Variants in ATP8B2 observed in about 807,000 individuals in gnomAD.
ATP8B2 encodes ATPase phospholipid transporting 8B2.
A neutral mutation model predicts 133.4 loss-of-function variants in ATP8B2; 70 were observed. The ratio of observed to expected loss-of-function variants is 0.52; its 90% CI spans 0.43 to 0.64. The LOEUF (loss-of-function observed/expected upper bound fraction) is 0.64, where lower values mean the gene tolerates loss of function less well. Among genes scored for constraint, ATP8B2 ranks in the 30% least tolerant of loss-of-function variants. ATP8B2 has a pLI of 0.00. For synonymous variants in ATP8B2, 517 were observed against 589.5 expected, an observed-to-expected ratio of 0.88 and a Z score of 1.78; for missense variants, 1,101 against 1,535.7, an observed-to-expected ratio of 0.72 and a Z score of 4.73.
Position 154,342,933 on chromosome 1 carries a change from T to C in ATP8B2, c.1425T>C (p.His475=). 5 of 1,614,148 alleles carry C rather than the reference T, an allele frequency of 3.1e-6. No individual in the cohort carries two copies. The highest frequency in any genetic ancestry group is 3.4e-6 in the Non-Finnish European group (4 of 1,180,036). ...TCTTCCGCCTCCTTTCCCTGTGTCA[T>C]ACTGTCATGTCAGAAGAAAAGAACG... is the stretch of plus-strand genomic sequence containing the variant. ...HEFFRLLSLC[H]TVMSEEKNEG... is the part of the protein sequence containing the mutation. The change falls in exon 15 of 28, where the codon CAT becomes CAC. Residue 475 remains histidine (H), a synonymous_variant. Transcript: ENST00000368489.
At position 154,345,018 on chromosome 1, in the gene ATP8B2, G is replaced by A. The variant is rs151154478; in HGVS notation, c.2334G>A (p.Ala778=). The A allele has an allele frequency of 2.9e-4, 467 of 1,614,198 alleles. 5 individuals are homozygous for A. The East Asian group carries it at 9.4e-3, about 33-fold the overall frequency. The part of the protein sequence containing the change: ...ADMELEFLET[A]CACKAVICCR... ...TGGAGCTGGAGTTTCTGGAGACAGC[G>A]TGTGCCTGCAAAGCTGTCATCTGCT... is the stretch of plus-strand genomic sequence containing the variant. The change falls in exon 22 of 28, where the codon GCG becomes GCA. Residue 778 remains alanine, a synonymous_variant. Coordinates refer to ENST00000368489, the MANE Select transcript of ATP8B2 (RefSeq NM_001370597.1). The surrounding 1 kb of genome is among the most constrained non-coding windows in gnomAD (Gnocchi z 5.6).
intron 2 of ATP8B2, among the ~76,000 whole-genome samples, chr1:154,329,488 C>G (rs1007733687): frequency 6.6e-5 from 10 of 152,090 alleles, no homozygotes; most frequent in African/African-American, 2.4e-4. Flanking sequence ...TGGTGACCCC[C>G]GGGGAGACGG....
Position 154,345,506 on chromosome 1 carries a change from C to T in ATP8B2, c.2655C>T (p.Val885=), listed in dbSNP as rs536672086. 1.2e-6 allele frequency: 2 copies of T among 1,614,068 alleles called. No individual in the cohort carries two copies. The highest frequency in any genetic ancestry group is 1.3e-5 in the African/African-American group (1 of 75,042). Residue 885 remains valine (V), a synonymous_variant, in exon 23 of 28, where the codon GTC becomes GTT. Coordinates refer to ENST00000368489, the MANE Select transcript of ATP8B2 (RefSeq NM_001370597.1). The surrounding 1 kb of genome is among the most constrained non-coding windows in gnomAD (Gnocchi z 5.6). ...FFYKNFAFTM[V]HFWFGFFCGF... ...ACAAAAACTTTGCTTTCACCATGGT[C>T]CACTTCTGGTTTGGCTTCTTCTGTG...
At position 154,342,977 on chromosome 1, in the gene ATP8B2, G is replaced by C. The variant is rs41265227; in HGVS notation, c.1453+16G>C. 12 of 1,612,788 alleles carry C rather than the reference G, an allele frequency of 7.4e-6. No homozygotes were observed. Among genetic ancestry groups the C allele is most frequent in the Non-Finnish European group, 9.3e-6 (11 of 1,179,384 alleles). ...AAGAACGAAGGTGGGCCGAGGAGCCGGCTCGCACTCTCCTGACCTGACTCT... is the reference window on the plus strand; with the variant it reads ...AAGAACGAAGGTGGGCCGAGGAGCCCGCTCGCACTCTCCTGACCTGACTCT... On this transcript the variant is annotated intron_variant, in intron 15 of 27. Coordinates refer to ENST00000368489, the MANE Select transcript of ATP8B2 (RefSeq NM_001370597.1).
chr1:154,339,973 G>A (rs1436852299), intron 12 of ATP8B2, among the ~76,000 whole-genome samples: 1 of 152,130 alleles, frequency 6.6e-6, no homozygotes, highest in Non-Finnish European at 1.5e-5. Flanking sequence ...CTTGAGTTCA[G>A]GAATTCAAGA....
rs764328459 is a variant in ATP8B2, at chr1:154,340,929, G to T, written c.1110G>T (p.Thr370=). 3.7e-6 allele frequency: 6 copies of T among 1,614,038 alleles called. No individual in the cohort carries two copies. The highest frequency in any genetic ancestry group is 5.1e-6 in the Non-Finnish European group (6 of 1,180,026). The stretch of plus-strand genomic sequence containing the variant: ...AGATGTTCTGCATGAAGAAGCGGAC[G>T]CCTGCAGAAGCCCGCACCACCACCC... ...DKKMFCMKKR[T]PAEARTTTLN... The change falls in exon 13 of 28, where the codon ACG becomes ACT. Residue 370 remains threonine, a synonymous_variant. Coordinates refer to ENST00000368489, the MANE Select transcript of ATP8B2 (RefSeq NM_001370597.1). The surrounding 1 kb of genome is among the most constrained non-coding windows in gnomAD (Gnocchi z 4.0).
At chr1:154,338,654 G>A (rs1197123679) in intron 12 of ATP8B2, 1 of 152,094 alleles carries the variant, frequency 6.6e-6, no homozygotes, top group Non-Finnish European at 1.5e-5. Context: ...GCGAAACTGT[G>A]TCTCAAAAAA....
intron 27 of ATP8B2, 49 bp from the exon 28 acceptor site, chr1:154,348,791 T>A: frequency 6.6e-7 from 1 of 1,516,852 alleles, no homozygotes; most frequent in South Asian, 1.2e-5. Flanking sequence ...CTTGGCGATA[T>A]CTGACACCTC....
chr1:154,345,268 A>T lies in ATP8B2; in HGVS notation c.2471-54A>T. ...AGGGGGTTGTAACTTGGTAGGCTCT[A>T]AAGTGTGTGGCCGGTGGCCATCTTC... On this transcript the variant is annotated intron_variant, in intron 22 of 27. Coordinates refer to ENST00000368489, the MANE Select transcript of ATP8B2 (RefSeq NM_001370597.1). The surrounding 1 kb of genome is among the most constrained non-coding windows in gnomAD (Gnocchi z 5.6). 6.2e-7 allele frequency: 1 copy of T among 1,609,786 alleles called. No homozygotes were observed. Among genetic ancestry groups the T allele is most frequent in the Non-Finnish European group, 8.5e-7 (1 of 1,177,108 alleles).
intron 26 of ATP8B2, among the ~76,000 whole-genome samples, chr1:154,348,084 T>C (rs1255732763): frequency 2.6e-5 from 4 of 152,078 alleles, no homozygotes; most frequent in South Asian, 2.1e-4. Flanking sequence ...GGGTTTTTAG[T>C]TGGAGCAACT....
chr1:154,337,753 A>T, intron 12 of ATP8B2: 1 of 1,507,242 alleles, frequency 6.6e-7, no homozygotes, highest in Non-Finnish European at 8.8e-7. Context: ...TAGAGAAAAA[A>T]AAATATTGAT....
At chr1:154,333,870 G>T (rs932872965) in intron 9 of ATP8B2, among the ~76,000 whole-genome samples, 3 of 151,942 alleles carry the variant, frequency 2.0e-5, no homozygotes, top group African/African-American at 7.2e-5. Context: ...CCTGACCTCA[G>T]CTGATCCACC....
intron 3 of ATP8B2, 46 bp downstream of exon 3, chr1:154,330,500 G>A: frequency 1.9e-6 from 3 of 1,599,410 alleles, no homozygotes; most frequent in Non-Finnish European, 2.6e-6. Flanking sequence ...TTTGGAGAGG[G>A]GAATGGGGCA....
In ATP8B2 at chr1:154,345,612, T is replaced by G. The variant is rs1686555829; in HGVS notation, c.2694+67T>G. The G allele has an allele frequency of 1.7e-5, 24 of 1,452,514 alleles. 1 individual carries two copies. Among genetic ancestry groups the G allele is most frequent in the South Asian group, 7.2e-5 (6 of 83,844 alleles). 90.0% of individuals were successfully genotyped at this position (1,452,514 alleles called of 1,614,324 possible). ...CCTGAGGGCAGAGGTTCTGTCTTGT[T>G]TATCACTCAGTCCCCCAGGGCCTAG... is the stretch of plus-strand genomic sequence containing the variant. On this transcript the variant is annotated intron_variant, in intron 23 of 27. Coordinates refer to ENST00000368489, the MANE Select transcript of ATP8B2 (RefSeq NM_001370597.1). This position sits in a 1 kb window ranked among gnomAD's most constrained non-coding sequence, Gnocchi z 5.6.
intron 11 of ATP8B2, among the ~76,000 whole-genome samples, chr1:154,336,147 GT>G (rs1686173365): frequency 6.6e-6 from 1 of 152,014 alleles, no homozygotes. Flanking sequence ...TTTACAGTAA[GT>G]TTTCTGGTAT....
At chr1:154,342,188 G>T (rs1686407791) in intron 13 of ATP8B2, among the ~76,000 whole-genome samples, 1 of 152,080 alleles carries the variant, frequency 6.6e-6, no homozygotes, top group Non-Finnish European at 1.5e-5. Context: ...GGGAGGTGTG[G>T]AATTGGAGCT....
Position 154,334,021 on chromosome 1 carries a change from C to T in ATP8B2, c.590-86C>T. Reference sequence around the variant, plus strand: ...GGCCCTTGCCCTTGCATCCTCTTCGCTCAGCTCATTTTCTCTTTGTTTTAT... The same window carrying T: ...GGCCCTTGCCCTTGCATCCTCTTCGTTCAGCTCATTTTCTCTTTGTTTTAT... On this transcript the variant is annotated intron_variant, in intron 9 of 27. Transcript: ENST00000368489. The surrounding 1 kb of genome is among the most constrained non-coding windows in gnomAD (Gnocchi z 4.6). The T allele has an allele frequency of 6.6e-7, 1 of 1,517,256 alleles. No homozygotes were observed. The allele number at this position is 1,517,256 out of a possible 1,614,324, so 94.0% of individuals were successfully genotyped here.
Position 154,328,656 on chromosome 1 carries a change from C to T in ATP8B2, c.31+484C>T. The T allele has an allele frequency of 5.3e-6, 3 of 568,202 alleles. No individual in the cohort carries two copies. The highest frequency in any genetic ancestry group is 6.7e-6 in the Non-Finnish European group (3 of 446,760). 35.2% of individuals were successfully genotyped at this position (568,202 alleles called of 1,614,324 possible). A position where few individuals can be genotyped will look rare whatever the true frequency, so the allele number is the denominator to read the frequency against. ...GGGCTCGCGCGCGAGCTTTCGCCTA[C>T]GCGGCGCGCTGGCAGGCTGCGGCTC... On this transcript the variant is annotated intron_variant, in intron 2 of 27. Coordinates refer to ENST00000368489, the MANE Select transcript of ATP8B2 (RefSeq NM_001370597.1). This position sits in a 1 kb window ranked among gnomAD's most constrained non-coding sequence, Gnocchi z 4.6.
intron 9 of ATP8B2, among the ~76,000 whole-genome samples, chr1:154,333,643 C>CTTT (rs60216416): frequency 7.2e-6 from 1 of 139,686 alleles, no homozygotes; most frequent in African/African-American, 2.7e-5. Flanking sequence ...CATGCTGCAG[C>CTTT]TTTTTTTTTT....
Sources: gnomAD v4.1 joint callset for allele counts (sites outside exome capture counted in the v4.1 genomes callset) on GRCh38, gnomAD v4.1.1 for gene constraint, Gnocchi (gnomAD v3.1) non-coding constraint, MANE v1.5 for transcripts, NCBI Gene and HGNC (gene_info 2026-07-23, HGNC 2026-07-21) for gene names.